Variants in RAD52 observed in about 807,000 individuals in gnomAD.
The protein encoded by RAD52 is RAD52 DNA repair protein.
In RAD52, 47 loss-of-function variants were observed where a neutral mutation model predicts 55.5. The ratio of observed to expected loss-of-function variants is 0.85; its 90% confidence interval spans 0.67 to 1.08. The LOEUF (loss-of-function observed/expected upper bound fraction) is 1.08, where lower values mean the gene tolerates loss of function less well. Among genes scored for constraint, RAD52 ranks in the 50% least tolerant of loss-of-function variants. The probability of loss-of-function intolerance (pLI) is 0.00; values close to 1 mark genes in which losing one functional copy is unlikely to be tolerated. For missense variants in RAD52, 468 were observed against 522.8 expected, an observed-to-expected ratio of 0.90 and a Z score of 1.02; for synonymous variants, 184 against 198.9, an observed-to-expected ratio of 0.92 and a Z score of 0.63.
chr12:926,089 C>A (rs773046475), intron 6 of RAD52, among the ~76,000 whole-genome samples: 11 of 152,118 alleles, frequency 7.2e-5, no homozygotes, highest in Non-Finnish European at 1.6e-4. Context: ...CCGGGGGGTG[C>A]GGCCTGGTGG....
At chr12:970,734 A>AG (rs1192230340) in intron 1 of RAD52, among the ~76,000 whole-genome samples, 2 of 152,194 alleles carry the variant, frequency 1.3e-5, no homozygotes, top group African/African-American at 2.4e-5. Context: ...GGGAGTAAGT[A>AG]GGCGGTCCAT....
chr12:947,125 G>C (rs1365260098), intron 1 of RAD52, among the ~76,000 whole-genome samples: 1 of 152,070 alleles, frequency 6.6e-6, no homozygotes, highest in African/African-American at 2.4e-5. Flanking sequence ...TAGGGAGTTC[G>C]AGACCAGCGT....
intron 1 of RAD52, among the ~76,000 whole-genome samples, chr12:962,580 C>G (rs1333667757): frequency 1.3e-5 from 2 of 152,000 alleles, no homozygotes; most frequent in Non-Finnish European, 2.9e-5. Flanking sequence ...ATCTCCTGAC[C>G]TTGTGATCCA....
At chr12:929,039 T>C (rs1220818353) in intron 5 of RAD52, among the ~76,000 whole-genome samples, 13 of 152,164 alleles carry the variant, frequency 8.5e-5, no homozygotes, top group Admixed American at 7.9e-4. Flanking sequence ...TAATTTTTTG[T>C]ATTTTTAGTA....
intron 7 of RAD52, among the ~76,000 whole-genome samples, chr12:918,123 C>G (rs1956507021): frequency 6.6e-6 from 1 of 152,116 alleles, no homozygotes; most frequent in African/African-American, 2.4e-5. Flanking sequence ...TAATTCCCAA[C>G]AAAAATGAGT....
upstream of RAD52, among the ~76,000 whole-genome samples, chr12:952,519 G>T (rs1958542235): frequency 6.6e-6 from 1 of 152,138 alleles, no homozygotes; most frequent in African/African-American, 2.4e-5. Context: ...CTTAATTAGA[G>T]AGGGGTCTTT....
chr12:914,031 T>C lies in RAD52; in HGVS notation c.1058A>G (p.Gln353Arg). 2 of 1,614,226 alleles carry C rather than the reference T, an allele frequency of 1.2e-6. No homozygotes were observed. The highest frequency in any genetic ancestry group is 1.7e-6 in the Non-Finnish European group (2 of 1,180,038). ...VKPSSRADPAQTSDTLALNNQ... is the reference protein window; with the variant it reads ...VKPSSRADPARTSDTLALNNQ... Reference sequence around the variant, plus strand: ...GTTCAAGGCTAATGTGTCAGAGGTCTGGGCTGGGTCTGCTCTAGACGAGGG... The same window carrying C: ...GTTCAAGGCTAATGTGTCAGAGGTCCGGGCTGGGTCTGCTCTAGACGAGGG... The change falls in exon 11 of 12, where the codon CAG becomes CGG. Residue 353 changes from glutamine (Q) to arginine (R), a missense_variant. Gln to Arg is a conservative substitution (Grantham distance 43). Transcript: ENST00000358495.
upstream of RAD52, chr12:990,310 T>G (rs562527494): frequency 2.6e-5 from 4 of 152,060 alleles, 1 homozygote; most frequent in South Asian, 8.3e-4. Context: ...AGATAGCTTA[T>G]CTACATCCTT....
intron 1 of RAD52, among the ~76,000 whole-genome samples, chr12:964,867 T>A (rs1489579411): frequency 6.6e-6 from 1 of 151,958 alleles, no homozygotes; most frequent in East Asian, 1.9e-4. Context: ...GTGGCCTACC[T>A]CCCCAGCCTC....
chr12:935,862 AAAT>A (rs1957591834), intron 1 of RAD52, among the ~76,000 whole-genome samples: 28 of 2,058 alleles, frequency 0.014, no homozygotes, highest in African/African-American at 0.027. Flanking sequence ...TCAAAAAAAT[AAAT>A]AAATAAATAA....
chr12:982,187 G>A (rs1185894130), intron 1 of RAD52, among the ~76,000 whole-genome samples: 1 of 117,822 alleles, frequency 8.5e-6, no homozygotes, highest in East Asian at 3.0e-4. Context: ...AATTACGACA[G>A]CCTTCTTTCC....
At chr12:922,643 T>C (rs1956801026) in intron 7 of RAD52, among the ~76,000 whole-genome samples, 1 of 152,154 alleles carries the variant, frequency 6.6e-6, no homozygotes. Context: ...GCAAAAATTA[T>C]GTGATTCCAT....
rs985322639 is a variant in RAD52, at chr12:960,814, A to T, written c.-18-27738T>A. Among the ~76,000 whole-genome samples, 3 of 152,266 alleles carry T rather than the reference A, an allele frequency of 2.0e-5. No individual in the cohort carries two copies. In the South Asian group the frequency reaches 6.2e-4, roughly 32 times the overall value. On this transcript the variant is annotated intron_variant, in intron 1 of 11. Transcript: ENST00000430095. ...AATATGTTACCTGTTAGGCATCCAG[A>T]TGAAAATGTCAACTTAATATGTGAA...
At chr12:981,930 C>A (rs963025662) in intron 1 of RAD52, among the ~76,000 whole-genome samples, 51 of 152,308 alleles carry the variant, frequency 3.3e-4, no homozygotes, top group African/African-American at 1.2e-3. Context: ...GGGGAGGCAG[C>A]ATCACCACGT....
At chr12:960,196 T>C (rs1317742698) in intron 1 of RAD52, among the ~76,000 whole-genome samples, 1 of 152,090 alleles carries the variant, frequency 6.6e-6, no homozygotes, top group East Asian at 1.9e-4. Flanking sequence ...GAATGGATTG[T>C]AGGGAAATGT....
intron 1 of RAD52, among the ~76,000 whole-genome samples, chr12:966,072 G>GC (rs1242859742): frequency 6.6e-6 from 1 of 151,972 alleles, no homozygotes; most frequent in African/African-American, 2.4e-5. Flanking sequence ...AACCTCCTGG[G>GC]CTCAAGCCAT....
intron 5 of RAD52, among the ~76,000 whole-genome samples, chr12:928,699 T>C (rs1957171452): frequency 6.6e-6 from 1 of 152,142 alleles, no homozygotes; most frequent in Non-Finnish European, 1.5e-5. Flanking sequence ...ATCAAAATTT[T>C]GCTGTATTTA....
chr12:923,573 T>TAAAAAAAAAAAA (rs368376156), intron 7 of RAD52, among the ~76,000 whole-genome samples: 1 of 135,434 alleles, frequency 7.4e-6, no homozygotes, highest in African/African-American at 2.7e-5. Flanking sequence ...TAAAATAAAT[T>TAAAAAAAAAAAA]AAAAAAAAAA....
At chr12:967,184 G>A (rs1354494308) in intron 1 of RAD52, among the ~76,000 whole-genome samples, 3 of 151,944 alleles carry the variant, frequency 2.0e-5, no homozygotes, top group Non-Finnish European at 4.4e-5. Context: ...TTCCAGACCA[G>A]CCTGGCCAAC....
Sources: gnomAD v4.1 joint callset for allele counts (sites outside exome capture counted in the v4.1 genomes callset) on GRCh38, gnomAD v4.1.1 for gene constraint, MANE v1.5 for transcripts, NCBI Gene and HGNC (gene_info 2026-07-23, HGNC 2026-07-21) for gene names.